FHIT: variants seen among roughly 807,000 people sequenced by gnomAD.
FHIT encodes fragile histidine triad diadenosine triphosphatase.
A neutral mutation model predicts 17.9 loss-of-function variants in FHIT; 19 were observed. The observed-to-expected ratio is 1.06, with a 90% CI of 0.74 to 1.56. The LOEUF (loss-of-function observed/expected upper bound fraction) is 1.56. FHIT is among the 40% of genes most tolerant of loss of function. The probability of loss-of-function intolerance (pLI) is 0.00; values close to 1 mark genes in which losing one functional copy is unlikely to be tolerated. For missense variants in FHIT, 248 were observed against 189.2 expected, an observed-to-expected ratio of 1.31 and a Z score of -1.82; for synonymous variants, 81 against 69.7, an observed-to-expected ratio of 1.16 and a Z score of -0.81.
chr3:60,376,102 C>G (rs555907937), intron 5 of FHIT, among the ~76,000 whole-genome samples: 1 of 152,232 alleles, frequency 6.6e-6, no homozygotes, highest in East Asian at 1.9e-4. Context: ...TAGGACTTGG[C>G]ATATTTGCAG....
chr3:59,840,285 C>T (rs1415613211), intron 8 of FHIT, among the ~76,000 whole-genome samples: 1 of 151,874 alleles, frequency 6.6e-6, no homozygotes, highest in African/African-American at 2.4e-5. Context: ...ACTGAGGTTA[C>T]CAACTCAGAC....
At chr3:60,985,500 C>T (rs1019740353) in intron 3 of FHIT, among the ~76,000 whole-genome samples, 1 of 152,104 alleles carries the variant, frequency 6.6e-6, no homozygotes, top group African/African-American at 2.4e-5. Flanking sequence ...CTGTGACAAA[C>T]ATACAGTGAT....
intron 3 of FHIT, among the ~76,000 whole-genome samples, chr3:61,023,187 T>C (rs1442003003): frequency 1.3e-5 from 2 of 152,190 alleles, no homozygotes; most frequent in Non-Finnish European, 2.9e-5. Context: ...CAAGCATTCC[T>C]ACACACCAAT....
chr3:60,782,568 A>C (rs1700429930), intron 4 of FHIT, among the ~76,000 whole-genome samples: 1 of 152,180 alleles, frequency 6.6e-6, no homozygotes, highest in Admixed American at 6.5e-5. Context: ...TTCGGCCCTT[A>C]AGTAAGGCTA....
intron 4 of FHIT, among the ~76,000 whole-genome samples, chr3:60,731,072 A>G (rs2042019338): frequency 6.6e-6 from 1 of 152,150 alleles, no homozygotes; most frequent in Non-Finnish European, 1.5e-5. Flanking sequence ...CGAAGGTTGC[A>G]GTGAGCCAGG....
intron 7 of FHIT, among the ~76,000 whole-genome samples, chr3:59,969,398 C>G (rs1708076022): frequency 6.6e-6 from 1 of 152,020 alleles, no homozygotes; most frequent in East Asian, 1.9e-4. Flanking sequence ...GTCCCCAAAC[C>G]CCCAAATTTT....
chr3:61,200,837 A>T (rs2038989377), intron 1 of FHIT, among the ~76,000 whole-genome samples, 172 bp from the exon 2 acceptor site: 1 of 152,216 alleles, frequency 6.6e-6, no homozygotes, highest in African/African-American at 2.4e-5. Context: ...AAAAAAAGAC[A>T]GTCAGAAACT....
chr3:61,152,550 T>C (rs748107095), intron 2 of FHIT, among the ~76,000 whole-genome samples: 1 of 152,186 alleles, frequency 6.6e-6, no homozygotes, highest in Non-Finnish European at 1.5e-5. Context: ...ACATGGCTTC[T>C]GAATGACTGA....
intron 4 of FHIT, among the ~76,000 whole-genome samples, chr3:60,728,163 T>C (rs1233813958): frequency 1.3e-5 from 2 of 152,218 alleles, no homozygotes; most frequent in South Asian, 2.1e-4. Flanking sequence ...AAATTCGTGG[T>C]TGTGCTATCA....
chr3:60,899,390 G>T (rs1484225846), intron 3 of FHIT, among the ~76,000 whole-genome samples: 1 of 152,116 alleles, frequency 6.6e-6, no homozygotes, highest in African/African-American at 2.4e-5. Flanking sequence ...ACTGCTATGA[G>T]TAATATAAAG....
At chr3:60,659,958 G>A (rs782039055) in intron 4 of FHIT, among the ~76,000 whole-genome samples, 7 of 152,100 alleles carry the variant, frequency 4.6e-5, no homozygotes, top group Admixed American at 1.3e-4. Flanking sequence ...ATTGTTGTAG[G>A]TTGTCTCTGT....
At chr3:60,912,270 G>T (rs981655560) in intron 3 of FHIT, among the ~76,000 whole-genome samples, 2 of 152,184 alleles carry the variant, frequency 1.3e-5, no homozygotes, top group Admixed American at 6.5e-5. Flanking sequence ...GAGCAGTGGT[G>T]GGGGTAAACG....
intron 7 of FHIT, among the ~76,000 whole-genome samples, chr3:59,985,032 T>G (rs1276459832): frequency 6.6e-6 from 1 of 152,040 alleles, no homozygotes; most frequent in Non-Finnish European, 1.5e-5. Context: ...AGAGTTCCCA[T>G]CGTAGGACAG....
chr3:60,767,056 C>T (rs908367225), intron 4 of FHIT, among the ~76,000 whole-genome samples: 3 of 152,158 alleles, frequency 2.0e-5, no homozygotes, highest in Non-Finnish European at 4.4e-5. Flanking sequence ...TTTAACTCAT[C>T]GCTGACCCAT....
intron 2 of FHIT, among the ~76,000 whole-genome samples, chr3:61,138,329 G>A (rs1454239972): frequency 2.0e-5 from 3 of 152,198 alleles, no homozygotes; most frequent in Non-Finnish European, 4.4e-5. Context: ...GCCCATCCTT[G>A]AAGATAAAGT....
intron 8 of FHIT, among the ~76,000 whole-genome samples, chr3:59,799,142 A>C (rs2106965798): frequency 6.6e-6 from 1 of 152,354 alleles, no homozygotes; most frequent in African/African-American, 2.4e-5. Context: ...CATCTCTCAG[A>C]AAATACCATT....
chr3:60,676,549 T>C (rs1735443), intron 4 of FHIT, among the ~76,000 whole-genome samples: 122,803 of 152,142 alleles, frequency 0.81, 50,909 homozygotes, highest in Non-Finnish European at 0.91. Flanking sequence ...GAGGTGAGAA[T>C]GGAGGACTTA....
chr3:60,040,478 A>C (rs961834173), intron 5 of FHIT, among the ~76,000 whole-genome samples: 1 of 151,960 alleles, frequency 6.6e-6, no homozygotes, highest in Non-Finnish European at 1.5e-5. Context: ...TCTTCATACC[A>C]TAACTCAGTG....
chr3:60,819,456 G>A (rs782138268), intron 4 of FHIT, among the ~76,000 whole-genome samples: 3 of 152,266 alleles, frequency 2.0e-5, no homozygotes, highest in South Asian at 2.1e-4. Flanking sequence ...ACTTTGCCAC[G>A]TTATTTTACC....
Sources: gnomAD v4.1 joint callset for allele counts (sites outside exome capture counted in the v4.1 genomes callset) on GRCh38, gnomAD v4.1.1 for gene constraint, MANE v1.5 for transcripts, NCBI Gene and HGNC (gene_info 2026-07-23, HGNC 2026-07-21) for gene names.